The following MAPK4 variants were observed in gnomAD, a reference collection of about 807,000 sequenced individuals.
The protein encoded by MAPK4 is mitogen-activated protein kinase 4, also known as Erk3-related.
In MAPK4, 22 loss-of-function variants were observed where a neutral mutation model predicts 47.7. The ratio of observed to expected loss-of-function variants is 0.46; its 90% CI spans 0.33 to 0.66. The LOEUF (loss-of-function observed/expected upper bound fraction) is 0.66, where lower values mean the gene tolerates loss of function less well. MAPK4 is among the 30% of genes least tolerant of loss of function. The pLI is 0.02. For missense variants in MAPK4, 736 were observed against 831.7 expected (o/e 0.88, Z 1.42); for synonymous variants, 390 against 365.7 (o/e 1.07, Z -0.76).
At chr18:50,614,138 A>G (rs1416408412) in intron 1 of MAPK4, among the ~76,000 whole-genome samples, 3 of 152,200 alleles carry the variant, frequency 2.0e-5, no homozygotes, top group African/African-American at 4.8e-5. Context: ...GGATGAAACA[A>G]TAACATATAC....
chr18:50,579,754 G>T (rs544344587), intron 1 of MAPK4, among the ~76,000 whole-genome samples: 7 of 152,136 alleles, frequency 4.6e-5, no homozygotes, highest in Non-Finnish European at 1.0e-4. Flanking sequence ...AGTCAGTAGG[G>T]CTGTCCAAAA....
Position 50,729,403 on chromosome 18 carries a change from T to C in MAPK4, c.1313T>C (p.Leu438Pro). ...TACAAGGTGGGGTCGCCGTCCTACC[T>C]GGACAAGCTGCTGTGGCGCGACAAC... ...CDYKVGSPSYLDKLLWRDNKP... is the reference protein window; with the variant it reads ...CDYKVGSPSYPDKLLWRDNKP... The change falls in exon 6 of 6, where the codon CTG becomes CCG. Residue 438 changes from leucine (L) to proline (P), a missense_variant. Physicochemically the swap from Leu to Pro is moderately conservative, Grantham distance 98. Transcript: ENST00000400384. 1 of 1,559,102 alleles carries C rather than the reference T, an allele frequency of 6.4e-7. No homozygotes were observed. The highest frequency in any genetic ancestry group is 1.3e-5 in the African/African-American group (1 of 74,122).
chr18:50,682,662 G>A (rs1388898149), intron 2 of MAPK4, among the ~76,000 whole-genome samples: 1 of 152,120 alleles, frequency 6.6e-6, no homozygotes, highest in East Asian at 1.9e-4. Flanking sequence ...TAACCATTTT[G>A]GAAAATGATT....
intron 1 of MAPK4, among the ~76,000 whole-genome samples, chr18:50,645,423 G>C (rs2042980031): frequency 6.6e-6 from 1 of 152,220 alleles, no homozygotes; most frequent in Admixed American, 6.5e-5. Context: ...AGATGATTTT[G>C]CTGTGTTCGG....
chr18:50,560,053 G>A (rs887202028), upstream of MAPK4: 3 of 148,026 alleles, frequency 2.0e-5, no homozygotes, highest in East Asian at 4.0e-4. Flanking sequence ...AGGCGGCGGC[G>A]GCGCAGGCTG....
chr18:50,594,322 T>C (rs114406270), intron 1 of MAPK4, among the ~76,000 whole-genome samples: 2,405 of 152,146 alleles, frequency 0.016, 60 homozygotes, highest in African/African-American at 0.054. Context: ...GAAACAATAC[T>C]TTACCAACTC....
intron 2 of MAPK4, among the ~76,000 whole-genome samples, chr18:50,711,011 C>T (rs1025812730): frequency 5.3e-5 from 8 of 152,166 alleles, no homozygotes; most frequent in Admixed American, 3.3e-4. Flanking sequence ...CCACCCAGCA[C>T]GGGCTTGCTG....
intron 1 of MAPK4, among the ~76,000 whole-genome samples, chr18:50,659,869 G>A (rs770375486): frequency 2.0e-5 from 3 of 152,114 alleles, no homozygotes; most frequent in Admixed American, 6.5e-5. Flanking sequence ...CCTGTGATTC[G>A]GAGCAGCTCT....
intron 1 of MAPK4, among the ~76,000 whole-genome samples, chr18:50,654,588 CT>C (rs770947085): frequency 3.9e-5 from 6 of 152,216 alleles, no homozygotes; most frequent in Non-Finnish European, 5.9e-5. Flanking sequence ...GAAGTTTCCC[CT>C]TGAATCTACA....
intron 2 of MAPK4, among the ~76,000 whole-genome samples, chr18:50,665,585 T>C (rs1335344278): frequency 6.6e-6 from 1 of 152,164 alleles, no homozygotes; most frequent in East Asian, 1.9e-4. Context: ...TCCTCTGCCC[T>C]CCTTTAGCAC....
intron 1 of MAPK4, among the ~76,000 whole-genome samples, chr18:50,631,267 G>A (rs2042827069): frequency 1.3e-5 from 2 of 152,134 alleles, no homozygotes; most frequent in South Asian, 4.2e-4. Context: ...GCGCTGAGGT[G>A]CTATCTAGTG....
At chr18:50,721,823 G>A in intron 3 of MAPK4, 115 bp from the exon 4 acceptor site, 1 of 981,764 alleles carries the variant, frequency 1.0e-6, no homozygotes, top group Non-Finnish European at 1.5e-6. Flanking sequence ...TCCCAGCCCA[G>A]TGCTGCCCCA....
chr18:50,664,574 G>A lies in MAPK4; in HGVS notation c.546+70G>A, dbSNP rs1907494101. The A allele has an allele frequency of 6.8e-7, 1 of 1,477,014 alleles. No homozygotes were observed. Among genetic ancestry groups the A allele is most frequent in the Non-Finnish European group, 9.2e-7 (1 of 1,089,884 alleles). The allele number at this position is 1,477,014 out of a possible 1,614,324, so 91.5% of individuals were successfully genotyped here. ...CCAAGAATACTTGCAGCATTCCCAAGCTATTCCTAGCTCCATGGTAGTCAG... is the reference window on the plus strand; with the variant it reads ...CCAAGAATACTTGCAGCATTCCCAAACTATTCCTAGCTCCATGGTAGTCAG... On this transcript the variant is annotated intron_variant, in intron 2 of 5. Coordinates refer to ENST00000400384, the MANE Select transcript of MAPK4 (RefSeq NM_002747.4). This position sits in a 1 kb window ranked among gnomAD's most constrained non-coding sequence, Gnocchi z 6.0.
At chr18:50,633,189 G>A (rs1202616754) in intron 1 of MAPK4, among the ~76,000 whole-genome samples, 1 of 152,224 alleles carries the variant, frequency 6.6e-6, no homozygotes, top group Non-Finnish European at 1.5e-5. Context: ...TGGCATAAGA[G>A]AGATGGAAAG....
At chr18:50,562,474 G>A (rs1250185421) in intron 1 of MAPK4, among the ~76,000 whole-genome samples, 1 of 151,742 alleles carries the variant, frequency 6.6e-6, no homozygotes, top group East Asian at 1.9e-4. Context: ...ATAGGGGAAG[G>A]GAGAGGGAAG....
At chr18:50,679,976 A>G (rs1908491969) in intron 2 of MAPK4, among the ~76,000 whole-genome samples, 1 of 152,004 alleles carries the variant, frequency 6.6e-6, no homozygotes, top group Non-Finnish European at 1.5e-5. Context: ...GATTCCCACC[A>G]AGGGACCCAG....
At chr18:50,687,737 G>A (rs935917765) in intron 2 of MAPK4, among the ~76,000 whole-genome samples, 30 of 152,274 alleles carry the variant, frequency 2.0e-4, no homozygotes, top group Admixed American at 1.2e-3. Context: ...GCAAACACTT[G>A]GGCAGGACAA....
intron 1 of MAPK4, among the ~76,000 whole-genome samples, chr18:50,589,765 C>A (rs1178859787): frequency 2.6e-5 from 4 of 152,234 alleles, no homozygotes; most frequent in African/African-American, 9.6e-5. Context: ...ACCACATTCT[C>A]ACTTCCTGAG....
At chr18:50,570,758 A>G (rs2042242953) in intron 1 of MAPK4, among the ~76,000 whole-genome samples, 1 of 152,088 alleles carries the variant, frequency 6.6e-6, no homozygotes, top group Non-Finnish European at 1.5e-5. Context: ...AGCCACATCT[A>G]TTTTCCCCTT....
Sources: gnomAD v4.1 joint callset for allele counts (sites outside exome capture counted in the v4.1 genomes callset) on GRCh38, gnomAD v4.1.1 for gene constraint, Gnocchi (gnomAD v3.1) non-coding constraint, MANE v1.5 for transcripts, NCBI Gene and HGNC (gene_info 2026-07-23, HGNC 2026-07-21) for gene names.